Variants in SYNE1 observed in about 807,000 individuals in gnomAD.
SYNE1 encodes nesprin-1.
A neutral mutation model predicts 1,111.0 loss-of-function variants in SYNE1; 616 were observed. The ratio of observed to expected loss-of-function variants is 0.55; its 90% CI spans 0.52 to 0.59. SYNE1 has a LOEUF of 0.59. SYNE1 is among the 20% of genes least tolerant of loss of function. The probability of loss-of-function intolerance (pLI) is 0.00; values close to 1 mark genes in which losing one functional copy is unlikely to be tolerated. For missense variants in SYNE1, 10,006 were observed against 10,417.0 expected, an observed-to-expected ratio of 0.96 and a Z score of 1.72; for synonymous variants, 3,855 against 3,825.8, an observed-to-expected ratio of 1.01 and a Z score of -0.28.
chr6:152,411,610 G>A (rs754091309), intron 42 of SYNE1, among the ~76,000 whole-genome samples: 14 of 152,014 alleles, frequency 9.2e-5, no homozygotes, highest in East Asian at 1.9e-4. Flanking sequence ...TATGTTCAAC[G>A]TCAGTCATCA....
Position 152,395,569 on chromosome 6 carries a change from C to A in SYNE1, c.7659G>T (p.Lys2553Asn), listed in dbSNP as rs1341457610. 6.2e-7 allele frequency: 1 copy of A among 1,614,074 alleles called. No homozygotes were observed. Among genetic ancestry groups the A allele is most frequent in the Non-Finnish European group, 8.5e-7 (1 of 1,179,992 alleles). ...TTTCAACTTTATGAACTTCATTTTT[C>A]TTCTCAGGAATGTGCTGTTTACTCT... Reference protein sequence around the residue: ...LGESKQHIPEKKNEVHKVEMF... With the variant: ...LGESKQHIPENKNEVHKVEMF... Residue 2553 changes from lysine (K) to asparagine (N), a missense_variant, in exon 51 of 146, where the codon AAG becomes AAT. Physicochemically the swap from Lys to Asn is moderately conservative, Grantham distance 94. Transcript: ENST00000367255.
intron 102 of SYNE1, among the ~76,000 whole-genome samples, chr6:152,256,173 C>T (rs2090770370): frequency 6.6e-6 from 1 of 152,088 alleles, no homozygotes; most frequent in South Asian, 2.1e-4. Flanking sequence ...GTAATCCCAG[C>T]ACTTTGGGAG....
chr6:152,499,859 G>A (rs1164359031), intron 10 of SYNE1, among the ~76,000 whole-genome samples: 5 of 152,010 alleles, frequency 3.3e-5, no homozygotes, highest in Non-Finnish European at 7.4e-5. Context: ...TTTTTTTAAC[G>A]ACCAGAATTT....
chr6:152,348,899 T>C (rs938451951), intron 72 of SYNE1, among the ~76,000 whole-genome samples: 9 of 152,102 alleles, frequency 5.9e-5, no homozygotes, highest in African/African-American at 7.2e-5. Flanking sequence ...AGTTATCATA[T>C]ATGCTCAGTT....
At chr6:152,540,585 T>G (rs568765700) in intron 3 of SYNE1, among the ~76,000 whole-genome samples, 1 of 152,356 alleles carries the variant, frequency 6.6e-6, no homozygotes, top group South Asian at 2.1e-4. Context: ...TCCCCATTTT[T>G]GTGTCGGCAG....
intron 84 of SYNE1, among the ~76,000 whole-genome samples, chr6:152,319,349 C>T (rs959266796): frequency 1.3e-5 from 2 of 152,190 alleles, no homozygotes; most frequent in African/African-American, 4.8e-5. Flanking sequence ...ACGTAATGAC[C>T]TTGAGCACAC....
intron 102 of SYNE1, 87 bp from the exon 103 acceptor site, chr6:152,255,833 C>A: frequency 6.8e-7 from 1 of 1,464,514 alleles, no homozygotes; most frequent in South Asian, 1.1e-5. Flanking sequence ...GTGCAGTGCT[C>A]ACACCTGTAA....
At chr6:152,479,917 G>A (rs548439714) in intron 14 of SYNE1, among the ~76,000 whole-genome samples, 3 of 152,206 alleles carry the variant, frequency 2.0e-5, no homozygotes, top group South Asian at 2.1e-4. Flanking sequence ...ACTTGCAAAC[G>A]TTGCCTATGC....
In SYNE1 at chr6:152,208,062, C is replaced by A. The variant is rs780634258; in HGVS notation, c.22734G>T (p.Trp7578Cys). ...YREMAEKLRKWLVEVSYLPMS... is the reference protein window; with the variant it reads ...YREMAEKLRKCLVEVSYLPMS... ...TGGGGAGGTAGGACACTTCAACCAA[C>A]CATTTACGAAGCTTTTCTGCCATCT... The change falls in exon 125 of 146, where the codon TGG becomes TGT. Residue 7578 changes from tryptophan to cysteine, a missense_variant. Around this residue, in one of 7 missense-constraint regions of SYNE1, gnomAD observed 2,182 missense variants for 2,287.8 expected, o/e 0.95. Transcript: ENST00000367255. 3 of 1,614,144 alleles carry A rather than the reference C, an allele frequency of 1.9e-6. No individual in the cohort carries two copies. The highest frequency in any genetic ancestry group is 2.5e-6 in the Non-Finnish European group (3 of 1,180,018).
rs754052086 is a variant in SYNE1 at position 152,331,061 on chromosome 6, C to T, written c.13624G>A (p.Val4542Ile). 6 of 1,614,042 alleles carry T rather than the reference C, an allele frequency of 3.7e-6. No individual in the cohort carries two copies. Among genetic ancestry groups the T allele is most frequent in the African/African-American group, 1.3e-5 (1 of 74,916 alleles). ...VLGKLQELQS[V>I]YDSVLQKCSH... ...CACTTTTGTAAAACACTGTCATAGACACTCTGCAATTCCTGAAGCTTCCCC... is the reference window on the plus strand; with the variant it reads ...CACTTTTGTAAAACACTGTCATAGATACTCTGCAATTCCTGAAGCTTCCCC... The change falls in exon 78 of 146, where the codon GTC becomes ATC. Residue 4542 changes from valine to isoleucine, a missense_variant. Around this residue, in one of 7 missense-constraint regions of SYNE1, gnomAD observed 4,955 missense variants for 5,017.2 expected, o/e 0.99. Coordinates refer to ENST00000367255, the MANE Select transcript of SYNE1 (RefSeq NM_182961.4).
chr6:152,334,996 G>T (rs1005319413), intron 76 of SYNE1, among the ~76,000 whole-genome samples: 1 of 152,206 alleles, frequency 6.6e-6, no homozygotes, highest in Admixed American at 6.5e-5. Flanking sequence ...CATTCGCAAA[G>T]TGGAAAGGCA....
At chr6:152,138,506 G>A (rs1246258458) in intron 140 of SYNE1, among the ~76,000 whole-genome samples, 2 of 141,882 alleles carry the variant, frequency 1.4e-5, no homozygotes, top group African/African-American at 2.7e-5. Context: ...GTGAGACTCT[G>A]TCTCAAAAAT....
intron 10 of SYNE1, among the ~76,000 whole-genome samples, chr6:152,500,997 T>G (rs76984171): frequency 0.048 from 7,249 of 151,986 alleles, 236 homozygotes; most frequent in Non-Finnish European, 0.067. Flanking sequence ...TTTGGTTTTC[T>G]TATTACTCTT....
At chr6:152,158,041 G>C (rs1329976392) in intron 131 of SYNE1, among the ~76,000 whole-genome samples, 3 of 152,204 alleles carry the variant, frequency 2.0e-5, no homozygotes, top group Admixed American at 2.0e-4. Context: ...ACAGGTGTGA[G>C]CCACTGCGCC....
chr6:152,634,084 T>G (rs1210280765), intron 2 of SYNE1, among the ~76,000 whole-genome samples: 1 of 152,276 alleles, frequency 6.6e-6, no homozygotes. Context: ...AAGCAGTTTC[T>G]TGTTTGTGTG....
Position 152,407,117 on chromosome 6 carries a change from T to G in SYNE1, c.6620A>C (p.Asp2207Ala). 6.2e-7 allele frequency: 1 copy of G among 1,613,926 alleles called. No homozygotes were observed. The highest frequency in any genetic ancestry group is 1.1e-5 in the South Asian group (1 of 91,068). The change falls in exon 45 of 146, where the codon GAT becomes GCT. Residue 2207 changes from aspartate (D) to alanine (A), a missense_variant. Asp to Ala is a moderately radical substitution (Grantham distance 126, BLOSUM62 -2). Transcript: ENST00000367255. ...SIWDDVLSTR[D>A]EIEGWSNNCV... ...GTTGTTTGACCATCCCTCAATCTCATCTCTAGTTGACAGTACATCATCCCA... is the reference window on the plus strand; with the variant it reads ...GTTGTTTGACCATCCCTCAATCTCAGCTCTAGTTGACAGTACATCATCCCA...
At chr6:152,153,647 A>G (rs979398410) in intron 133 of SYNE1, among the ~76,000 whole-genome samples, 3 of 152,208 alleles carry the variant, frequency 2.0e-5, no homozygotes, top group African/African-American at 7.2e-5. Flanking sequence ...GCTCTCCACT[A>G]GCATTCATTC....
intron 8 of SYNE1, among the ~76,000 whole-genome samples, chr6:152,507,580 T>C (rs2099064450): frequency 6.6e-6 from 1 of 152,174 alleles, no homozygotes; most frequent in Non-Finnish European, 1.5e-5. Flanking sequence ...ATTTTAGATA[T>C]GAACCAAAAG....
chr6:152,303,437 A>G (rs549390647), intron 91 of SYNE1, among the ~76,000 whole-genome samples: 6 of 152,194 alleles, frequency 3.9e-5, no homozygotes, highest in African/African-American at 1.4e-4. Flanking sequence ...TGTGACAAAA[A>G]TATTAAATTG....
Sources: gnomAD v4.1 joint callset for allele counts (sites outside exome capture counted in the v4.1 genomes callset) on GRCh38, gnomAD v4.1.1 for gene constraint, gnomAD v4.1.1 regional missense constraint, MANE v1.5 for transcripts, NCBI Gene and HGNC (gene_info 2026-07-23, HGNC 2026-07-21) for gene names.